CTNNA2: variants seen among roughly 807,000 people sequenced by gnomAD.
The protein encoded by CTNNA2 is catenin alpha-2.
Under a neutral mutation model 101.0 loss-of-function variants are expected in CTNNA2, and 42 were observed. The ratio of observed to expected loss-of-function variants is 0.42; its 90% CI spans 0.32 to 0.54. The LOEUF (loss-of-function observed/expected upper bound fraction) is 0.54, where lower values mean the gene tolerates loss of function less well. Among genes scored for constraint, CTNNA2 ranks in the 20% least tolerant of loss-of-function variants. CTNNA2 has a pLI of 0.14. For synonymous variants in CTNNA2, 450 were observed against 456.4 expected (o/e 0.99, Z 0.18); for missense variants, 871 against 1,223.1 (o/e 0.71, Z 4.29).
intron 9 of CTNNA2, among the ~76,000 whole-genome samples, chr2:80,461,511 G>C (rs913958359): frequency 6.6e-5 from 10 of 152,104 alleles, no homozygotes; most frequent in African/African-American, 2.2e-4. Context: ...CTATTGCAAA[G>C]GTCCTAAATA....
At chr2:79,249,935 T>G (rs1470900123) in intron 2 of CTNNA2, among the ~76,000 whole-genome samples, 1 of 152,158 alleles carries the variant, frequency 6.6e-6, no homozygotes, top group Non-Finnish European at 1.5e-5. Context: ...TGATAAGAAA[T>G]TAACACTTTG....
At chr2:79,440,515 G>T (rs943352109) in intron 4 of CTNNA2, among the ~76,000 whole-genome samples, 15 of 152,082 alleles carry the variant, frequency 9.9e-5, no homozygotes, top group African/African-American at 3.1e-4. Flanking sequence ...ATGTTTGCTT[G>T]TTTGTTGTTT....
rs1441661706 is a variant in CTNNA2, at chr2:79,569,763, ACTT to A, written c.-6+56557_-6+56559del. Among the ~76,000 whole-genome samples, 20 of 152,298 alleles carry A rather than the reference ACTT, an allele frequency of 1.3e-4. No individual in the cohort carries two copies. In the East Asian group the frequency reaches 3.9e-3, roughly 29 times the overall value. On this transcript the variant is annotated intron_variant, in intron 1 of 18. Coordinates refer to ENST00000402739, the MANE Select transcript of CTNNA2 (RefSeq NM_001282597.3). ...TAAAACATATGTAGGCTCAGGCTTT[ACTT>A]TTTTAAGTAAGTTAAATATAAAATA...
intron 4 of CTNNA2, among the ~76,000 whole-genome samples, chr2:79,416,779 A>C (rs545191260): frequency 6.6e-6 from 1 of 152,160 alleles, no homozygotes; most frequent in East Asian, 1.9e-4. Flanking sequence ...AAATTTCTAC[A>C]TCCATGCCTA....
At chr2:79,943,197 A>G (rs1372406267) in intron 7 of CTNNA2, among the ~76,000 whole-genome samples, 2 of 152,090 alleles carry the variant, frequency 1.3e-5, no homozygotes, top group African/African-American at 4.8e-5. Context: ...AGCCTGGGCA[A>G]CAAAAGCGAG....
At chr2:80,160,197 T>C (rs181334196) in intron 7 of CTNNA2, among the ~76,000 whole-genome samples, 696 of 152,368 alleles carry the variant, frequency 4.6e-3, no homozygotes, top group African/African-American at 0.016. Flanking sequence ...TCTTGATTGC[T>C]GTAACTATAA....
intron 7 of CTNNA2, among the ~76,000 whole-genome samples, chr2:80,111,039 C>G (rs1031243881): frequency 2.0e-5 from 3 of 152,066 alleles, no homozygotes; most frequent in Non-Finnish European, 4.4e-5. Context: ...AGGAGAAGTG[C>G]TGAGCAAATA....
chr2:79,695,006 T>C (rs923075204), intron 2 of CTNNA2, among the ~76,000 whole-genome samples: 2 of 149,788 alleles, frequency 1.3e-5, no homozygotes, highest in Non-Finnish European at 3.0e-5. Context: ...CTCAAGGCCG[T>C]ATGAAACCAA....
chr2:79,753,996 G>C (rs1672228547), intron 3 of CTNNA2, among the ~76,000 whole-genome samples: 1 of 150,682 alleles, frequency 6.6e-6, no homozygotes, highest in African/African-American at 2.4e-5. Context: ...AGCCTCCCAA[G>C]TAGCTGGGAT....
chr2:79,228,183 C>T (rs575398320), intron 2 of CTNNA2, among the ~76,000 whole-genome samples: 11 of 152,246 alleles, frequency 7.2e-5, no homozygotes, highest in Admixed American at 7.2e-4. Flanking sequence ...GATTGTATGT[C>T]CTTGCTATTG....
rs192935247 is a variant in CTNNA2 at position 80,271,514 on chromosome 2, C to T, written c.1057-121697C>T. ...TCGGCTCACTGCAAGCTCCACCTCC[C>T]GTGTTCACGCCATTCTCCTGCCTCA... On this transcript the variant is annotated intron_variant, in intron 7 of 18. Coordinates refer to ENST00000402739, the MANE Select transcript of CTNNA2 (RefSeq NM_001282597.3). Among the ~76,000 whole-genome samples, 19 of 152,038 alleles carry T rather than the reference C, an allele frequency of 1.2e-4. No individual in the cohort carries two copies. The East Asian group carries it at 3.1e-3, about 25-fold the overall frequency.
intron 3 of CTNNA2, among the ~76,000 whole-genome samples, chr2:79,838,880 A>G (rs1357080751): frequency 2.6e-5 from 4 of 152,102 alleles, no homozygotes; most frequent in African/African-American, 9.7e-5. Flanking sequence ...TAAAAACACT[A>G]TTAGTCATCT....
rs1558586837 is a variant in CTNNA2 at position 79,858,229 on chromosome 2, G to A, written c.465+50G>A. 2 of 1,457,006 alleles carry A rather than the reference G, an allele frequency of 1.4e-6. 1 individual carries two copies. Among genetic ancestry groups the A allele is most frequent in the Middle Eastern group, 3.6e-4 (2 of 5,594 alleles). 90.3% of individuals were successfully genotyped at this position (1,457,006 alleles called of 1,614,324 possible). On this transcript the variant is annotated intron_variant, in intron 4 of 18. Transcript: ENST00000402739. ...CTTTCTTTATGTGAGTGGCAATCTT[G>A]ACCGTGTGTATTACAGCTCTGGCCT...
intron 7 of CTNNA2, among the ~76,000 whole-genome samples, chr2:80,077,759 G>A (rs968089042): frequency 6.6e-6 from 1 of 152,130 alleles, no homozygotes; most frequent in African/African-American, 2.4e-5. Flanking sequence ...AGTCTGTAGT[G>A]ACAGAAGGTA....
In CTNNA2 at chr2:79,531,195, C is replaced by CATATAT. The variant is rs34087238; in HGVS notation, c.-6+18024_-6+18029dup. Among the ~76,000 whole-genome samples, 659 of 110,086 alleles carry CATATAT rather than the reference C, an allele frequency of 6.0e-3. 5 individuals are homozygous for CATATAT. The highest frequency in any genetic ancestry group is 8.5e-3 in the East Asian group (22 of 2,586). 72.2% of individuals were successfully genotyped at this position (110,086 alleles called of 152,430 possible). A position where few individuals can be genotyped will look rare whatever the true frequency, so the allele number is the denominator to read the frequency against. ...TTATTTATTAGTAAATAGATACGCT[C>CATATAT]ATATATATATATATATATATATATA... is the stretch of plus-strand genomic sequence containing the variant. On this transcript the variant is annotated intron_variant, in intron 1 of 18. Coordinates refer to ENST00000402739, the MANE Select transcript of CTNNA2 (RefSeq NM_001282597.3).
intron 8 of CTNNA2, among the ~76,000 whole-genome samples, chr2:80,411,022 C>G (rs911635187): frequency 1.5e-4 from 23 of 152,202 alleles, no homozygotes; most frequent in African/African-American, 4.1e-4. Flanking sequence ...CTGCCACCAC[C>G]TGGCTTATGG....
At chr2:79,450,039 T>C (rs1303535823) in intron 4 of CTNNA2, among the ~76,000 whole-genome samples, 1 of 151,964 alleles carries the variant, frequency 6.6e-6, no homozygotes, top group Admixed American at 6.6e-5. Context: ...TAAAATTCCA[T>C]GAGAGATGTC....
At chr2:80,641,408 A>ATC (rs1384062487) in intron 18 of CTNNA2, among the ~76,000 whole-genome samples, 1 of 152,122 alleles carries the variant, frequency 6.6e-6, no homozygotes, top group African/African-American at 2.4e-5. Flanking sequence ...GTGAAAATTG[A>ATC]TCTCTCTCTC....
chr2:79,531,369 A>G (rs886942406), intron 1 of CTNNA2, among the ~76,000 whole-genome samples: 2 of 151,906 alleles, frequency 1.3e-5, no homozygotes, highest in Non-Finnish European at 2.9e-5. Flanking sequence ...TTTGAATAAC[A>G]GTGTTGAAAA....
Sources: gnomAD v4.1 joint callset for allele counts (sites outside exome capture counted in the v4.1 genomes callset) on GRCh38, gnomAD v4.1.1 for gene constraint, MANE v1.5 for transcripts, NCBI Gene and HGNC (gene_info 2026-07-23, HGNC 2026-07-21) for gene names.